Variants in YIPF4 observed in about 807,000 individuals in gnomAD.
YIPF4 encodes Yip1 domain family member 4.
In YIPF4, 18 loss-of-function variants were observed where a neutral mutation model predicts 29.4. The ratio of observed to expected loss-of-function variants is 0.61; its 90% confidence interval spans 0.42 to 0.91. The LOEUF (loss-of-function observed/expected upper bound fraction) is 0.91. Among genes scored for constraint, YIPF4 ranks in the 40% least tolerant of loss-of-function variants. The pLI is 0.00. For synonymous variants in YIPF4, 115 were observed against 104.7 expected (o/e 1.10, Z -0.60); for missense variants, 279 against 282.7 (o/e 0.99, Z 0.09).
chr2:32,297,965 T>G (rs2031258821), intron 3 of YIPF4, among the ~76,000 whole-genome samples: 1 of 152,156 alleles, frequency 6.6e-6, no homozygotes, highest in African/African-American at 2.4e-5. Flanking sequence ...TAAACACTTT[T>G]TTTTTGCAAT....
chr2:32,294,556 G>A (rs956275508), intron 3 of YIPF4, among the ~76,000 whole-genome samples: 2 of 150,886 alleles, frequency 1.3e-5, no homozygotes, highest in South Asian at 4.2e-4. Flanking sequence ...GATGGCGGCC[G>A]GGCAGAGACG....
chr2:32,277,985 C>G lies in YIPF4; in HGVS notation c.-171C>G. 1 of 569,826 alleles carries G rather than the reference C, an allele frequency of 1.8e-6. No individual in the cohort carries two copies. Among genetic ancestry groups the G allele is most frequent in the Non-Finnish European group, 3.0e-6 (1 of 331,600 alleles). The allele number at this position is 569,826 out of a possible 1,614,324, so 35.3% of individuals were successfully genotyped here. A position where few individuals can be genotyped will look rare whatever the true frequency, so the allele number is the denominator to read the frequency against. On this transcript the variant is annotated 5_prime_UTR_variant, in exon 1 of 6. Transcript: ENST00000238831. ...CAAGAAGACTTTGGTGGGGTAGTCT[C>G]GGGGCAGCTCAGCGGCCCGCTGTGC...
chr2:32,286,146 T>G (rs756712251), intron 1 of YIPF4, among the ~76,000 whole-genome samples: 1 of 152,212 alleles, frequency 6.6e-6, no homozygotes, highest in Non-Finnish European at 1.5e-5. Context: ...CAAATGTGAT[T>G]AAATTGCATA....
rs565326120 is a variant in YIPF4 at position 32,313,233 on chromosome 2, A to G, written c.*7607A>G. 1 of 152,352 alleles carries G rather than the reference A, an allele frequency of 6.6e-6. No individual in the cohort carries two copies. The highest frequency in any genetic ancestry group is 2.1e-4 in the South Asian group (1 of 4,828). The allele number at this position is 152,352 out of a possible 1,614,324, so 9.4% of individuals were successfully genotyped here. A position where few individuals can be genotyped will look rare whatever the true frequency, so the allele number is the denominator to read the frequency against. On this transcript the variant is annotated 3_prime_UTR_variant, in exon 6 of 6. Coordinates refer to ENST00000238831, the MANE Select transcript of YIPF4 (RefSeq NM_032312.4). Reference sequence around the variant, plus strand: ...GAAGGTAGGGAAGACTCTTTCAGATAGAATCGCAGTTTGTGAGTTTGCTTG... The same window carrying G: ...GAAGGTAGGGAAGACTCTTTCAGATGGAATCGCAGTTTGTGAGTTTGCTTG...
chr2:32,298,818 A>G (rs2031289933), intron 4 of YIPF4, among the ~76,000 whole-genome samples: 1 of 152,070 alleles, frequency 6.6e-6, no homozygotes, highest in African/African-American at 2.4e-5. Context: ...TTAGCCTCCC[A>G]AAGTGCTGGG....
intron 4 of YIPF4, among the ~76,000 whole-genome samples, chr2:32,300,100 C>T (rs1453338321): frequency 6.6e-6 from 1 of 151,776 alleles, no homozygotes; most frequent in East Asian, 1.9e-4. Context: ...AACCCCATCC[C>T]TACTAAAAAT....
intron 1 of YIPF4, 115 bp from the exon 2 acceptor site, chr2:32,290,368 A>G: frequency 1.5e-6 from 1 of 667,632 alleles, no homozygotes; most frequent in Non-Finnish European, 2.2e-6. Context: ...ATGCAATAGC[A>G]GATGTTCTTA....
chr2:32,301,953 C>T (rs529735097), intron 5 of YIPF4, among the ~76,000 whole-genome samples: 10 of 152,268 alleles, frequency 6.6e-5, no homozygotes, highest in African/African-American at 2.2e-4. Context: ...GATCTGCCTG[C>T]CTTGGCCTCC....
intron 2 of YIPF4, among the ~76,000 whole-genome samples, chr2:32,291,267 G>T (rs536555329): frequency 1.6e-4 from 25 of 152,346 alleles, no homozygotes; most frequent in African/African-American, 5.8e-4. Flanking sequence ...AGGCATAGTG[G>T]CCCACGCCAG....
chr2:32,300,651 C>T (rs2031373614), intron 4 of YIPF4, among the ~76,000 whole-genome samples: 1 of 151,740 alleles, frequency 6.6e-6, no homozygotes, highest in Non-Finnish European at 1.5e-5. Flanking sequence ...TTTCTTATGT[C>T]CTAGACAAAA....
chr2:32,280,785 C>T (rs151007735), intron 1 of YIPF4, among the ~76,000 whole-genome samples: 5 of 152,192 alleles, frequency 3.3e-5, no homozygotes, highest in South Asian at 2.1e-4. Context: ...CCAGCCAAGC[C>T]GTAAATTTCT....
At chr2:32,297,549 C>G (rs1036051854) in intron 3 of YIPF4, among the ~76,000 whole-genome samples, 2 of 152,078 alleles carry the variant, frequency 1.3e-5, no homozygotes, top group Admixed American at 1.3e-4. Flanking sequence ...AGGAGGATCA[C>G]TTGAGCTCAG....
chr2:32,301,354 A>G, intron 4 of YIPF4, 28 bp from the exon 5 acceptor site: 5 of 1,399,154 alleles, frequency 3.6e-6, no homozygotes, highest in Non-Finnish European at 4.0e-6. Context: ...TTTCAATGAT[A>G]TTTATTTGAA....
At position 32,315,738 on chromosome 2, in the gene YIPF4, T is replaced by TC. The variant is rs969184610; in HGVS notation, c.*10113dup. The TC allele has an allele frequency of 1.1e-4, 17 of 150,490 alleles. No individual in the cohort carries two copies. Among genetic ancestry groups the TC allele is most frequent in the African/African-American group, 3.9e-4 (16 of 40,950 alleles). 9.3% of individuals were successfully genotyped at this position (150,490 alleles called of 1,614,324 possible). ...CTGGGTGACAAGGCAAGACTCCGTC[T>TC]CAAAAAAAAAAAGAAAAATATAAAG... On this transcript the variant is annotated 3_prime_UTR_variant, in exon 6 of 6. Coordinates refer to ENST00000238831, the MANE Select transcript of YIPF4 (RefSeq NM_032312.4).
chr2:32,303,177 T>C (rs1057204170), intron 5 of YIPF4, among the ~76,000 whole-genome samples: 1 of 152,172 alleles, frequency 6.6e-6, no homozygotes, highest in African/African-American at 2.4e-5. Flanking sequence ...TCAATCAGCC[T>C]GGGCAACGTG....
Position 32,313,753 on chromosome 2 carries a change from A to C in YIPF4, c.*8127A>C, listed in dbSNP as rs1404925097. ...AAGTCTTGCTCTGTTGCCAGGCTGG[A>C]GTGCAGTGGCGCGATCTTGGCTCAC... On this transcript the variant is annotated 3_prime_UTR_variant, in exon 6 of 6. Coordinates refer to ENST00000238831, the MANE Select transcript of YIPF4 (RefSeq NM_032312.4). 1 of 151,882 alleles carries C rather than the reference A, an allele frequency of 6.6e-6. No homozygotes were observed. Among genetic ancestry groups the C allele is most frequent in the Admixed American group, 6.6e-5 (1 of 15,206 alleles). 9.4% of individuals were successfully genotyped at this position (151,882 alleles called of 1,614,324 possible).
intron 1 of YIPF4, among the ~76,000 whole-genome samples, chr2:32,281,522 A>G (rs1352826317): frequency 6.6e-6 from 1 of 152,130 alleles, no homozygotes; most frequent in Non-Finnish European, 1.5e-5. Context: ...GATTACAGGC[A>G]TGAGCCACCA....
chr2:32,298,412 C>A (rs1325779471), intron 4 of YIPF4, 101 bp downstream of exon 4: 4 of 837,872 alleles, frequency 4.8e-6, no homozygotes, highest in African/African-American at 1.7e-5. Context: ...TTTCTTGTCC[C>A]AGAATTGCTT....
chr2:32,304,410 G>C (rs1305301228), intron 5 of YIPF4, among the ~76,000 whole-genome samples: 1 of 151,474 alleles, frequency 6.6e-6, no homozygotes, highest in East Asian at 1.9e-4. Flanking sequence ...TTATTTCATA[G>C]GGTTACTTTT....
Sources: allele counts gnomAD v4.1 joint callset (sites outside exome capture counted in the v4.1 genomes callset), GRCh38; gene constraint gnomAD v4.1.1; transcripts MANE v1.5; gene names NCBI Gene and HGNC (gene_info 2026-07-23, HGNC 2026-07-21).